Variants in NDST4 observed in about 807,000 individuals in gnomAD.
NDST4 encodes the protein N-heparan sulfate sulfotransferase 4.
NDST4 carries 63 observed loss-of-function variants against 100.8 expected under a neutral mutation model. The observed-to-expected ratio is 0.62, with a 90% CI of 0.51 to 0.77. The LOEUF is 0.77. NDST4 is among the 30% of genes least tolerant of loss of function. NDST4 has a pLI of 0.00. For missense variants in NDST4, 943 were observed against 1,018.4 expected (o/e 0.93, Z 1.01); for synonymous variants, 377 against 361.8 (o/e 1.04, Z -0.48).
chr4:114,992,057 C>A (rs951554409), intron 2 of NDST4, among the ~76,000 whole-genome samples: 1 of 151,504 alleles, frequency 6.6e-6, no homozygotes, highest in Admixed American at 6.6e-5. Context: ...TCCCATATAC[C>A]GAATACTTAT....
intron 1 of NDST4, among the ~76,000 whole-genome samples, chr4:115,094,655 A>C (rs1729585245): frequency 6.6e-6 from 1 of 152,156 alleles, no homozygotes; most frequent in African/African-American, 2.4e-5. Flanking sequence ...TTATTTGGAA[A>C]TAGGATTGTT....
At chr4:115,040,370 C>A (rs972807486) in intron 2 of NDST4, among the ~76,000 whole-genome samples, 1 of 149,128 alleles carries the variant, frequency 6.7e-6, no homozygotes, top group African/African-American at 2.5e-5. Context: ...ATATGAACTA[C>A]CAAAAAATCC....
chr4:114,887,948 T>C (rs1724513516), intron 6 of NDST4, among the ~76,000 whole-genome samples: 1 of 152,106 alleles, frequency 6.6e-6, no homozygotes, highest in South Asian at 2.1e-4. Context: ...TGCATTTAAA[T>C]ATTGATACCT....
chr4:115,109,047 G>A (rs760118184), intron 1 of NDST4, among the ~76,000 whole-genome samples: 23 of 148,164 alleles, frequency 1.6e-4, no homozygotes, highest in Non-Finnish European at 3.1e-4. Context: ...AAGGAAGGAA[G>A]GAAGAAAGGA....
At chr4:115,038,059 T>C (rs1227137730) in intron 2 of NDST4, among the ~76,000 whole-genome samples, 4 of 152,184 alleles carry the variant, frequency 2.6e-5, no homozygotes, top group Non-Finnish European at 5.9e-5. Flanking sequence ...ACTGTGCATT[T>C]TGTGAGTTTA....
At chr4:114,862,340 A>G (rs1220935877) in intron 7 of NDST4, among the ~76,000 whole-genome samples, 5 of 152,148 alleles carry the variant, frequency 3.3e-5, no homozygotes, top group African/African-American at 1.2e-4. Context: ...ATTATCATAT[A>G]ACTATTTATA....
chr4:115,097,372 T>A (rs1345529170), intron 1 of NDST4, among the ~76,000 whole-genome samples: 6 of 152,186 alleles, frequency 3.9e-5, no homozygotes, highest in Non-Finnish European at 8.8e-5. Context: ...TTCTTCCCAC[T>A]GTTTCTCCAT....
rs77457209 is a variant in NDST4, at chr4:114,970,855, A to G, written c.1067-271T>C. 2.8e-3 allele frequency among the ~76,000 whole-genome samples: 426 copies of G among 152,278 alleles called. 1 individual carries two copies. In the Middle Eastern group the frequency reaches 0.058, roughly 21 times the overall value. On this transcript the variant is annotated intron_variant, in intron 3 of 13. Transcript: ENST00000264363. ...TATTTTATACTCTTACATATATGTTATACCCTTATATGTATTTTATACCCT... is the reference window on the plus strand; with the variant it reads ...TATTTTATACTCTTACATATATGTTGTACCCTTATATGTATTTTATACCCT...
At chr4:114,861,810 C>T (rs191576930) in intron 7 of NDST4, among the ~76,000 whole-genome samples, 10 of 152,132 alleles carry the variant, frequency 6.6e-5, no homozygotes, top group Middle Eastern at 3.4e-3. Flanking sequence ...GTTTCAGCAC[C>T]GCTTACCATT....
intron 2 of NDST4, among the ~76,000 whole-genome samples, chr4:115,000,625 C>A (rs530168976): frequency 6.6e-6 from 1 of 152,060 alleles, no homozygotes; most frequent in African/African-American, 2.4e-5. Context: ...GTCCATAATC[C>A]TTGATATGAC....
At chr4:114,886,265 C>A (rs926614597) in intron 6 of NDST4, among the ~76,000 whole-genome samples, 3 of 152,056 alleles carry the variant, frequency 2.0e-5, no homozygotes, top group Non-Finnish European at 2.9e-5. Flanking sequence ...AGCTGCAGGG[C>A]ATCACTGTCT....
At chr4:115,040,094 T>A (rs1359433863) in intron 2 of NDST4, among the ~76,000 whole-genome samples, 2 of 151,810 alleles carry the variant, frequency 1.3e-5, no homozygotes, top group South Asian at 4.1e-4. Flanking sequence ...TTTGCAAAGA[T>A]CAAATAAAAC....
At chr4:115,112,690 A>T (rs1729979449) in intron 1 of NDST4, among the ~76,000 whole-genome samples, 1 of 152,060 alleles carries the variant, frequency 6.6e-6, no homozygotes, top group South Asian at 2.1e-4. Context: ...TTTCTCAAAA[A>T]GAATATTGAA....
At chr4:114,892,476 A>G (rs568581083) in intron 6 of NDST4, among the ~76,000 whole-genome samples, 26 of 152,238 alleles carry the variant, frequency 1.7e-4, no homozygotes, top group African/African-American at 6.0e-4. Flanking sequence ...TTTCTTTTAC[A>G]TACAAATTTT....
chr4:115,046,742 T>C (rs1255449452), intron 2 of NDST4, among the ~76,000 whole-genome samples: 2 of 152,172 alleles, frequency 1.3e-5, no homozygotes, highest in Admixed American at 6.6e-5. Flanking sequence ...AAATTGTTTA[T>C]TCAGGAATTT....
At chr4:114,885,023 T>C (rs1432551488) in intron 6 of NDST4, among the ~76,000 whole-genome samples, 5 of 152,270 alleles carry the variant, frequency 3.3e-5, no homozygotes, top group African/African-American at 9.6e-5. Flanking sequence ...TTCCCTCCTG[T>C]CTGCCTTTTT....
chr4:114,883,443 G>A (rs1724413575), intron 6 of NDST4, among the ~76,000 whole-genome samples: 1 of 151,918 alleles, frequency 6.6e-6, no homozygotes, highest in Admixed American at 6.6e-5. Context: ...CACTAAAAAA[G>A]TTAAAAGAAT....
At chr4:115,057,710 A>G (rs1578488429) in intron 2 of NDST4, among the ~76,000 whole-genome samples, 1 of 111,568 alleles carries the variant, frequency 9.0e-6, no homozygotes, top group Non-Finnish European at 1.7e-5. Context: ...ACGCACACAC[A>G]CACACACACA....
chr4:115,022,205 A>T (rs1727849719), intron 2 of NDST4, among the ~76,000 whole-genome samples: 1 of 150,684 alleles, frequency 6.6e-6, no homozygotes, highest in African/African-American at 2.5e-5. Flanking sequence ...TACACGTTCC[A>T]CGTCTATGCA....
Sources: gnomAD v4.1 joint callset for allele counts (sites outside exome capture counted in the v4.1 genomes callset) on GRCh38, gnomAD v4.1.1 for gene constraint, MANE v1.5 for transcripts, NCBI Gene and HGNC (gene_info 2026-07-23, HGNC 2026-07-21) for gene names.